Variants in MCTP1 observed in about 807,000 individuals in gnomAD.
The protein encoded by MCTP1 is multiple C2 and transmembrane domain-containing protein 1.
A neutral mutation model predicts 120.6 loss-of-function variants in MCTP1; 69 were observed. That is an observed-to-expected ratio of 0.57 (90% CI 0.47 to 0.70). MCTP1 has a LOEUF of 0.70. Ranked by LOEUF, MCTP1 falls within the 30% of genes least tolerant of loss-of-function variation. The pLI, the probability that MCTP1 is intolerant of heterozygous loss-of-function variation, is 0.00. For synonymous variants in MCTP1, 529 were observed against 493.1 expected (o/e 1.07, Z -0.96); for missense variants, 1,203 against 1,248.8 (o/e 0.96, Z 0.55).
At chr5:95,205,627 TACAC>T (rs1751541291) in intron 1 of MCTP1, among the ~76,000 whole-genome samples, 1 of 152,104 alleles carries the variant, frequency 6.6e-6, no homozygotes, top group South Asian at 2.1e-4. Flanking sequence ...AAAGAACTTT[TACAC>T]ACAATACACA....
At chr5:95,212,018 G>A (rs1286460490) in intron 1 of MCTP1, among the ~76,000 whole-genome samples, 1 of 152,172 alleles carries the variant, frequency 6.6e-6, no homozygotes, top group African/African-American at 2.4e-5. Flanking sequence ...ACCAAAATCA[G>A]AGGAGAACTG....
At chr5:95,247,092 T>C (rs1756878297) in intron 1 of MCTP1, among the ~76,000 whole-genome samples, 1 of 152,224 alleles carries the variant, frequency 6.6e-6, no homozygotes, top group Non-Finnish European at 1.5e-5. Context: ...TATTAAGAGA[T>C]TCAACTTCTT....
intron 18 of MCTP1, among the ~76,000 whole-genome samples, chr5:94,783,553 A>T (rs1777022126): frequency 6.6e-6 from 1 of 152,092 alleles, no homozygotes; most frequent in African/African-American, 2.4e-5. Context: ...CGGAACAAAA[A>T]TGTATAAGAG....
At chr5:94,832,373 C>T (rs906701075) in intron 17 of MCTP1, among the ~76,000 whole-genome samples, 3 of 152,168 alleles carry the variant, frequency 2.0e-5, no homozygotes, top group African/African-American at 4.8e-5. Context: ...CAGGTAATCA[C>T]CGCACCTTCC....
intron 1 of MCTP1, among the ~76,000 whole-genome samples, chr5:95,114,467 C>G (rs1402299309): frequency 6.6e-6 from 1 of 152,158 alleles, no homozygotes; most frequent in African/African-American, 2.4e-5. Context: ...TAGCTACAAG[C>G]TGACTTAAGA....
chr5:94,705,865 C>T lies in MCTP1; in HGVS notation c.*1631G>A, dbSNP rs561247665. On this transcript the variant is annotated 3_prime_UTR_variant, in exon 23 of 23. Transcript: ENST00000515393. ...AACAGTGATGGTATGCAGACAGAAG[C>T]ATGTCATTTTAAACATGATACATTA... 6.6e-6 allele frequency: 1 copy of T among 151,666 alleles called. No individual in the cohort carries two copies. Among genetic ancestry groups the T allele is most frequent in the African/African-American group, 2.4e-5 (1 of 41,474 alleles). The allele number at this position is 151,666 out of a possible 1,614,324, so 9.4% of individuals were successfully genotyped here. A position where few individuals can be genotyped will look rare whatever the true frequency, so the allele number is the denominator to read the frequency against.
intron 18 of MCTP1, among the ~76,000 whole-genome samples, chr5:94,779,571 C>T (rs1200151676): frequency 6.6e-6 from 1 of 152,136 alleles, no homozygotes; most frequent in African/African-American, 2.4e-5. Flanking sequence ...TTTCACCAAA[C>T]TCTAAGATTA....
At position 94,894,748 on chromosome 5, in the gene MCTP1, C is replaced by T; in HGVS notation, c.1740G>A (p.Leu580=). The change falls in exon 11 of 23, where the codon CTG becomes CTA. Residue 580 remains leucine, a synonymous_variant. Transcript: ENST00000515393. ...QLEEGEGHLV[L]LVTLTASATV... is the part of the protein sequence containing the mutation. ...TGGCTGATGCTGTCAGAGTGACCAGCAGCACCAGGTGTCCCTCACCCTCTT... is the reference window on the plus strand; with the variant it reads ...TGGCTGATGCTGTCAGAGTGACCAGTAGCACCAGGTGTCCCTCACCCTCTT... The T allele has an allele frequency of 1.9e-6, 3 of 1,613,796 alleles. No individual in the cohort carries two copies. The highest frequency in any genetic ancestry group is 2.5e-6 in the Non-Finnish European group (3 of 1,179,780).
intron 19 of MCTP1, among the ~76,000 whole-genome samples, chr5:94,764,559 A>G (rs1772117121): frequency 6.6e-6 from 1 of 152,196 alleles, no homozygotes; most frequent in Admixed American, 6.5e-5. Flanking sequence ...ACAAATAGAA[A>G]CCAAGATTGA....
chr5:94,834,524 T>C (rs964265897), intron 17 of MCTP1, among the ~76,000 whole-genome samples: 1 of 152,196 alleles, frequency 6.6e-6, no homozygotes, highest in Non-Finnish European at 1.5e-5. Context: ...TTTGAGATAC[T>C]AAGACTTTTA....
intron 11 of MCTP1, among the ~76,000 whole-genome samples, chr5:94,889,750 C>CCACACACACACACACACACA (rs750983646): frequency 6.9e-5 from 10 of 145,710 alleles, no homozygotes; most frequent in African/African-American, 2.3e-4. Context: ...TGAATGTACA[C>CCACACACACACACACACACA]CACACACACA....
intron 2 of MCTP1, among the ~76,000 whole-genome samples, chr5:95,016,885 C>T (rs1475934366): frequency 6.6e-6 from 1 of 152,012 alleles, no homozygotes; most frequent in Non-Finnish European, 1.5e-5. Context: ...TTTAATCCAC[C>T]ATGAGACTAC....
chr5:95,129,514 G>A (rs1338225887), intron 1 of MCTP1, among the ~76,000 whole-genome samples: 1 of 152,200 alleles, frequency 6.6e-6, no homozygotes, highest in East Asian at 1.9e-4. Flanking sequence ...CAAACAGATG[G>A]TAAAACATTA....
chr5:95,226,760 C>T (rs1022049182), intron 1 of MCTP1, among the ~76,000 whole-genome samples: 29 of 152,050 alleles, frequency 1.9e-4, no homozygotes, highest in African/African-American at 6.5e-4. Context: ...CAAAACCTAA[C>T]TGGCATTAAA....
At chr5:95,029,779 G>A (rs956987542) in intron 1 of MCTP1, among the ~76,000 whole-genome samples, 2 of 152,144 alleles carry the variant, frequency 1.3e-5, no homozygotes, top group South Asian at 2.1e-4. Context: ...CACGAGTATG[G>A]TTGCACTCCC....
intron 1 of MCTP1, among the ~76,000 whole-genome samples, chr5:95,063,566 GA>G (rs1267240979): frequency 1.3e-5 from 2 of 152,194 alleles, no homozygotes; most frequent in African/African-American, 4.8e-5. Flanking sequence ...AAAGAAGATA[GA>G]AAAGGATTGT....
intron 1 of MCTP1, among the ~76,000 whole-genome samples, chr5:95,116,431 T>C (rs1757830913): frequency 6.6e-6 from 1 of 152,230 alleles, no homozygotes; most frequent in African/African-American, 2.4e-5. Flanking sequence ...TTCTGGTTAC[T>C]GCAGTCTTGT....
chr5:94,741,234 G>C (rs1765453694), intron 19 of MCTP1, among the ~76,000 whole-genome samples: 1 of 151,956 alleles, frequency 6.6e-6, no homozygotes, highest in Non-Finnish European at 1.5e-5. Context: ...GAAAATATTT[G>C]GCTTCTGGAA....
chr5:95,254,512 G>A (rs538502783), intron 1 of MCTP1, among the ~76,000 whole-genome samples: 34 of 152,146 alleles, frequency 2.2e-4, no homozygotes, highest in African/African-American at 7.0e-4. Context: ...AAGGCATTCC[G>A]TCTTTTCTAA....
Sources: allele counts gnomAD v4.1 joint callset (sites outside exome capture counted in the v4.1 genomes callset), GRCh38; gene constraint gnomAD v4.1.1; transcripts MANE v1.5; gene names NCBI Gene and HGNC (gene_info 2026-07-23, HGNC 2026-07-21).